Variants in VRK2 observed in about 807,000 individuals in gnomAD.
The protein encoded by VRK2 is serine/threonine-protein kinase VRK2.
In VRK2, 60 loss-of-function variants were observed where a neutral mutation model predicts 57.6. The observed-to-expected ratio is 1.04, with a 90% confidence interval of 0.85 to 1.29. The LOEUF is 1.29. Ranked by LOEUF, VRK2 falls within the 50% of genes most tolerant of loss-of-function variation. The pLI is 0.00. For synonymous variants in VRK2, 231 were observed against 199.2 expected (o/e 1.16, Z -1.35); for missense variants, 705 against 588.1 (o/e 1.20, Z -2.06).
intron 12 of VRK2, 137 bp downstream of exon 12, chr2:58,146,611 C>T: frequency 1.0e-6 from 1 of 1,003,528 alleles, no homozygotes; most frequent in Non-Finnish European, 1.4e-6. Context: ...CAGAAAATAT[C>T]CTAGCCAGCT....
chr2:57,995,359 G>A (rs1322932831), intron 1 of VRK2, among the ~76,000 whole-genome samples: 1 of 152,156 alleles, frequency 6.6e-6, no homozygotes, highest in Non-Finnish European at 1.5e-5. Flanking sequence ...TAACTATTGA[G>A]AAGCTGTCAA....
intron 1 of VRK2, among the ~76,000 whole-genome samples, chr2:57,976,417 A>T (rs980889440): frequency 6.6e-6 from 1 of 152,124 alleles, no homozygotes; most frequent in African/African-American, 2.4e-5. Context: ...CCTCGCAATC[A>T]TCTGAATGTC....
intron 1 of VRK2, among the ~76,000 whole-genome samples, chr2:57,909,148 C>T (rs1669912139): frequency 6.6e-6 from 1 of 152,170 alleles, no homozygotes; most frequent in Non-Finnish European, 1.5e-5. Flanking sequence ...CAAGTGAGTG[C>T]TCAAATAAGC....
chr2:58,055,528 C>T (rs1676390525), intron 2 of VRK2, among the ~76,000 whole-genome samples: 1 of 152,120 alleles, frequency 6.6e-6, no homozygotes, highest in South Asian at 2.1e-4. Context: ...AATGAAGTTT[C>T]CAATGAGAGT....
upstream of VRK2, among the ~76,000 whole-genome samples, chr2:58,042,736 C>T (rs6713551): frequency 0.33 from 50,631 of 152,018 alleles, 13,007 homozygotes; most frequent in African/African-American, 0.73. Flanking sequence ...CTTTTGTGTG[C>T]GTGTATTTGT....
chr2:58,126,145 C>CA (rs879395569), intron 8 of VRK2, among the ~76,000 whole-genome samples: 107 of 136,598 alleles, frequency 7.8e-4, no homozygotes, highest in East Asian at 2.5e-3. Context: ...GTACAAAAAG[C>CA]AAAAAAAAAA....
At chr2:58,037,709 C>T (rs1001878682) in intron 3 of VRK2, among the ~76,000 whole-genome samples, 3 of 152,000 alleles carry the variant, frequency 2.0e-5, no homozygotes, top group African/African-American at 7.2e-5. Context: ...TCATTTAAAC[C>T]TTACAATACT....
chr2:58,106,413 G>C (rs1055382930), intron 7 of VRK2, among the ~76,000 whole-genome samples: 1 of 151,892 alleles, frequency 6.6e-6, no homozygotes, highest in African/African-American at 2.4e-5. Context: ...CAGATCATGA[G>C]GTCAAAATGC....
rs79401892 is a variant in VRK2, at chr2:57,971,238, T to C, written c.-438-54427T>C. ...CAGGTGCAAACTTGCAAGAGCCCTC[T>C]CCTAGTGGGATAACATAGTACTCAC... On this transcript the variant is annotated intron_variant, in intron 1 of 15. Coordinates refer to the VRK2 transcript ENST00000417641. 5.9e-5 allele frequency among the ~76,000 whole-genome samples: 9 copies of C among 152,104 alleles called. No homozygotes were observed. The East Asian group carries it at 1.7e-3, about 29-fold the overall frequency.
chr2:58,140,305 T>C (rs1681142589), intron 11 of VRK2, among the ~76,000 whole-genome samples: 1 of 151,930 alleles, frequency 6.6e-6, no homozygotes, highest in African/African-American at 2.4e-5. Flanking sequence ...GAGATCTAGG[T>C]TAAAAAAAAT....
intron 1 of VRK2, among the ~76,000 whole-genome samples, chr2:58,018,787 A>T (rs1194013698): frequency 6.6e-5 from 10 of 152,098 alleles, no homozygotes; most frequent in Non-Finnish European, 1.5e-4. Context: ...ACACCTGACC[A>T]CTTCCAATTA....
At chr2:58,010,274 G>A (rs896694724) in intron 1 of VRK2, among the ~76,000 whole-genome samples, 1 of 152,012 alleles carries the variant, frequency 6.6e-6, no homozygotes, top group African/African-American at 2.4e-5. Flanking sequence ...TAGAGATGAT[G>A]ATCATCTCTA....
At chr2:58,142,776 G>C (rs748321571) in intron 11 of VRK2, among the ~76,000 whole-genome samples, 3 of 151,838 alleles carry the variant, frequency 2.0e-5, no homozygotes, top group Non-Finnish European at 4.4e-5. Context: ...TACGACCCTT[G>C]AATAAGCTAT....
intron 10 of VRK2, 115 bp from the exon 11 acceptor site, chr2:58,139,551 T>G: frequency 1.2e-6 from 1 of 852,702 alleles, no homozygotes; most frequent in East Asian, 2.6e-5. Flanking sequence ...ATTTTTAGTT[T>G]CTTCAGGAGA....
chr2:58,007,142 C>T (rs1286527266), intron 1 of VRK2, among the ~76,000 whole-genome samples: 2 of 151,550 alleles, frequency 1.3e-5, no homozygotes, highest in Non-Finnish European at 2.9e-5. Context: ...CTTCTGTTTG[C>T]TAAATAGAGA....
chr2:58,075,313 A>G (rs1174627319), intron 2 of VRK2, among the ~76,000 whole-genome samples: 1 of 151,942 alleles, frequency 6.6e-6, no homozygotes, highest in African/African-American at 2.4e-5. Flanking sequence ...ATCTAGGTTG[A>G]TCTTTGCTAT....
chr2:58,106,571 T>G (rs1361266549), intron 7 of VRK2, among the ~76,000 whole-genome samples: 1 of 152,010 alleles, frequency 6.6e-6, no homozygotes, highest in Non-Finnish European at 1.5e-5. Context: ...TTTCTGGTGG[T>G]TATCCAATAT....
At chr2:57,971,473 A>C (rs1289954145) in intron 1 of VRK2, among the ~76,000 whole-genome samples, 1 of 151,968 alleles carries the variant, frequency 6.6e-6, no homozygotes, top group Non-Finnish European at 1.5e-5. Context: ...TCCAGACACC[A>C]GTCAAGGATC....
At chr2:58,033,076 T>G (rs534397482) in intron 2 of VRK2, among the ~76,000 whole-genome samples, 43 of 152,122 alleles carry the variant, frequency 2.8e-4, no homozygotes, top group Non-Finnish European at 5.6e-4. Context: ...ACACTCAGTC[T>G]ATAGCATATG....
Sources: allele counts gnomAD v4.1 joint callset (sites outside exome capture counted in the v4.1 genomes callset), GRCh38; gene constraint gnomAD v4.1.1; transcripts MANE v1.5; gene names NCBI Gene and HGNC (gene_info 2026-07-23, HGNC 2026-07-21).